LARP4: variants seen among roughly 807,000 people sequenced by gnomAD.
LARP4 encodes the protein la-related protein 4.
A neutral mutation model predicts 92.9 loss-of-function variants in LARP4; 29 were observed. That is an observed-to-expected ratio of 0.31 (90% CI 0.23 to 0.43). The LOEUF is 0.43. LARP4 is among the 20% of genes least tolerant of loss of function. The probability of loss-of-function intolerance (pLI) is 1.00; values close to 1 mark genes in which losing one functional copy is unlikely to be tolerated. For missense variants in LARP4, 732 were observed against 860.0 expected, an observed-to-expected ratio of 0.85 and a Z score of 1.86; for synonymous variants, 279 against 284.1, an observed-to-expected ratio of 0.98 and a Z score of 0.18.
At chr12:50,455,765 C>A (rs979274600) in intron 10 of LARP4, among the ~76,000 whole-genome samples, 1 of 152,160 alleles carries the variant, frequency 6.6e-6, no homozygotes, top group African/African-American at 2.4e-5. Context: ...AATTGAAGAT[C>A]ATTTTCAAGT....
At chr12:50,432,900 G>A (rs556039313) in intron 4 of LARP4, among the ~76,000 whole-genome samples, 3 of 149,802 alleles carry the variant, frequency 2.0e-5, no homozygotes, top group Admixed American at 6.7e-5. Context: ...GTGTCTTATC[G>A]GGGAGACTTG....
At chr12:50,467,245 T>C (rs1266015290) in intron 13 of LARP4, 125 bp downstream of exon 13, 1 of 665,676 alleles carries the variant, frequency 1.5e-6, no homozygotes, top group Non-Finnish European at 2.4e-6. Flanking sequence ...TTATGGAGTT[T>C]TCAGCATACT....
Position 50,479,906 on chromosome 12 carries a change from A to G in LARP4, c.*4042A>G, listed in dbSNP as rs2077104587. On this transcript the variant is annotated 3_prime_UTR_variant, in exon 16 of 16. Transcript: ENST00000398473. ...GACACATGCTCATGCATAAAATGTT[A>G]AAATGAGTACATCCTTGTATTTGTA... 6.6e-6 allele frequency: 1 copy of G among 152,628 alleles called. No homozygotes were observed. The highest frequency in any genetic ancestry group is 2.4e-5 in the African/African-American group (1 of 41,464). The allele number at this position is 152,628 out of a possible 1,614,324, so 9.5% of individuals were successfully genotyped here.
At chr12:50,436,817 A>G (rs1220787612) in intron 5 of LARP4, among the ~76,000 whole-genome samples, 1 of 152,270 alleles carries the variant, frequency 6.6e-6, no homozygotes, top group African/African-American at 2.4e-5. Context: ...TTACAGTGGA[A>G]TAGATTTCCA....
chr12:50,453,105 G>A (rs1007447742), intron 8 of LARP4, among the ~76,000 whole-genome samples: 8 of 148,634 alleles, frequency 5.4e-5, no homozygotes, highest in African/African-American at 1.7e-4. Context: ...TGTAAGGGAT[G>A]GGTCTCACTG....
chr12:50,463,324 CTG>C (rs1955693095), intron 12 of LARP4, among the ~76,000 whole-genome samples: 1 of 139,410 alleles, frequency 7.2e-6, no homozygotes, highest in African/African-American at 2.7e-5. Context: ...CGACTCAAGT[CTG>C]TAATGTCAGC....
intron 1 of LARP4, chr12:50,415,950 A>C (rs1240400475): frequency 6.7e-6 from 1 of 150,204 alleles, no homozygotes; most frequent in Admixed American, 6.6e-5. Context: ...CAAGTGATCC[A>C]CTCACCTTGG....
intron 10 of LARP4, chr12:50,455,046 G>A (rs1157297688): frequency 6.6e-6 from 1 of 152,216 alleles, no homozygotes; most frequent in Non-Finnish European, 1.5e-5. Context: ...GTAGAGCTAA[G>A]ATTTGAACCT....
At chr12:50,426,151 A>T (rs1948673646) in intron 1 of LARP4, among the ~76,000 whole-genome samples, 1 of 152,060 alleles carries the variant, frequency 6.6e-6, no homozygotes, top group Non-Finnish European at 1.5e-5. Context: ...AGGGAAGAGG[A>T]TAGGGAGATC....
Position 50,435,607 on chromosome 12 carries a change from T to C in LARP4, c.518T>C (p.Ile173Thr). The C allele has an allele frequency of 6.2e-7, 1 of 1,601,400 alleles. No homozygotes were observed. The highest frequency in any genetic ancestry group is 8.5e-7 in the Non-Finnish European group (1 of 1,173,044). Residue 173 changes from isoleucine (I) to threonine (T), a missense_variant, in exon 5 of 16, where the codon ATT (isoleucine) becomes ACT (threonine). Transcript: ENST00000398473. ...IKKLTTDPDL[I>T]LEVLRSSPMV... is the part of the protein sequence containing the mutation. ...AAGTTGACTACAGACCCTGATCTAA[T>C]TCTTGAAGTGTTAAGATGTATGTAA...
intron 1 of LARP4, among the ~76,000 whole-genome samples, chr12:50,423,230 T>C (rs565008408): frequency 6.6e-6 from 1 of 152,304 alleles, no homozygotes; most frequent in Non-Finnish European, 1.5e-5. Context: ...TCTTAGTCTT[T>C]TTAGGTTTTT....
At chr12:50,426,482 G>T (rs1028279406) in intron 1 of LARP4, among the ~76,000 whole-genome samples, 4 of 152,014 alleles carry the variant, frequency 2.6e-5, no homozygotes, top group African/African-American at 4.8e-5. Flanking sequence ...TCTCCTGTGG[G>T]TACAAAACAG....
At chr12:50,453,168 A>T (rs1217862329) in intron 8 of LARP4, among the ~76,000 whole-genome samples, 1 of 148,978 alleles carries the variant, frequency 6.7e-6, no homozygotes, top group Non-Finnish European at 1.5e-5. Flanking sequence ...TACCCCCTTG[A>T]CCTCTGAAAG....
At chr12:50,444,745 AT>A (rs1371009653) in intron 8 of LARP4, among the ~76,000 whole-genome samples, 16 of 152,152 alleles carry the variant, frequency 1.1e-4, no homozygotes, top group Admixed American at 4.6e-4. Context: ...TAATTTATTG[AT>A]GATTTCATTA....
intron 1 of LARP4, among the ~76,000 whole-genome samples, chr12:50,407,524 G>C (rs943071518): frequency 6.6e-6 from 1 of 152,126 alleles, no homozygotes; most frequent in Non-Finnish European, 1.5e-5. Context: ...ATGGCAGTAT[G>C]TTAAAATACA....
intron 8 of LARP4, 40 bp from the exon 9 acceptor site, chr12:50,453,420 A>G (rs750522706): frequency 1.7e-5 from 20 of 1,151,022 alleles, no homozygotes; most frequent in Non-Finnish European, 2.5e-5. Context: ...TTTAAAATAT[A>G]CACTTAATTC....
chr12:50,459,890 A>G (rs1017229801), intron 10 of LARP4, among the ~76,000 whole-genome samples: 1 of 150,378 alleles, frequency 6.6e-6, no homozygotes, highest in Non-Finnish European at 1.5e-5. Context: ...TGTAATCCCG[A>G]CACTTTGGGA....
intron 8 of LARP4, among the ~76,000 whole-genome samples, chr12:50,448,211 C>T (rs1017442562): frequency 6.6e-6 from 1 of 152,192 alleles, no homozygotes; most frequent in East Asian, 1.9e-4. Flanking sequence ...TACAATATAC[C>T]ATCTTAATTG....
intron 6 of LARP4, among the ~76,000 whole-genome samples, chr12:50,439,854 TC>T (rs1950948487): frequency 6.6e-6 from 1 of 152,184 alleles, no homozygotes; most frequent in Non-Finnish European, 1.5e-5. Flanking sequence ...TTTTTCTGAA[TC>T]CATATAGCTG....
Sources: allele counts gnomAD v4.1 joint callset (sites outside exome capture counted in the v4.1 genomes callset), GRCh38; gene constraint gnomAD v4.1.1; transcripts MANE v1.5; gene names NCBI Gene and HGNC (gene_info 2026-07-23, HGNC 2026-07-21).